GULP1: variants seen among roughly 807,000 people sequenced by gnomAD.
The protein encoded by GULP1 is GULP PTB domain containing engulfment adaptor 1, also known as PTB domain-containing engulfment adapter protein 1.
Under a neutral mutation model 40.9 loss-of-function variants are expected in GULP1, and 19 were observed. The ratio of observed to expected loss-of-function variants is 0.46; its 90% CI spans 0.32 to 0.68. The LOEUF is 0.68. GULP1 is among the 30% of genes least tolerant of loss of function. The pLI, the probability that GULP1 is intolerant of heterozygous loss-of-function variation, is 0.03. For missense variants in GULP1, 312 were observed against 362.2 expected, an observed-to-expected ratio of 0.86 and a Z score of 1.12; for synonymous variants, 119 against 117.6, an observed-to-expected ratio of 1.01 and a Z score of -0.08.
chr2:188,510,634 A>G (rs2064415625), intron 4 of GULP1, among the ~76,000 whole-genome samples: 1 of 152,050 alleles, frequency 6.6e-6, no homozygotes, highest in Non-Finnish European at 1.5e-5. Context: ...CAGAATAAAC[A>G]CTTACTTAAA....
intron 1 of GULP1, among the ~76,000 whole-genome samples, chr2:188,346,964 C>T (rs1299580345): frequency 2.1e-5 from 3 of 144,282 alleles, no homozygotes; most frequent in East Asian, 2.1e-4. Context: ...AGAAAGACTC[C>T]GTCTCAAAAA....
intron 2 of GULP1, among the ~76,000 whole-genome samples, chr2:188,438,105 A>G (rs77276224): frequency 0.022 from 3,350 of 152,188 alleles, 129 homozygotes; most frequent in African/African-American, 0.077. Context: ...ATAAATACAT[A>G]AAAAATACAA....
At chr2:188,359,835 C>CT (rs1300505028) in intron 1 of GULP1, among the ~76,000 whole-genome samples, 1 of 152,020 alleles carries the variant, frequency 6.6e-6, no homozygotes. Context: ...AAACTGAACT[C>CT]AAGATGAGAT....
intron 1 of GULP1, among the ~76,000 whole-genome samples, chr2:188,338,646 A>C (rs760977750): frequency 6.6e-6 from 1 of 152,142 alleles, no homozygotes; most frequent in African/African-American, 2.4e-5. Flanking sequence ...TAATACTTTC[A>C]ATAAAATATG....
At chr2:188,559,395 G>A (rs1362822560) in intron 7 of GULP1, among the ~76,000 whole-genome samples, 1 of 152,202 alleles carries the variant, frequency 6.6e-6, no homozygotes, top group Non-Finnish European at 1.5e-5. Context: ...TTCAGAAGAT[G>A]TATGGAAACT....
At chr2:188,522,631 CTATT>C (rs1393560997) in intron 4 of GULP1, 121 bp from the exon 5 acceptor site, 5 of 328,630 alleles carry the variant, frequency 1.5e-5, no homozygotes, top group South Asian at 8.7e-5. Context: ...AATAATAATT[CTATT>C]TAATTAACAT....
At chr2:188,412,196 G>A (rs1188326627) in intron 2 of GULP1, among the ~76,000 whole-genome samples, 19 of 152,072 alleles carry the variant, frequency 1.2e-4, no homozygotes, top group Admixed American at 1.2e-3. Flanking sequence ...CAGTAGGAAG[G>A]GGAAGTGCCC....
At chr2:188,338,215 G>C (rs2042520650) in intron 1 of GULP1, among the ~76,000 whole-genome samples, 2 of 151,506 alleles carry the variant, frequency 1.3e-5, no homozygotes, top group African/African-American at 2.4e-5. Context: ...CCCCTCATTG[G>C]TACAACTGAA....
intron 2 of GULP1, among the ~76,000 whole-genome samples, chr2:188,421,607 C>G (rs1341464020): frequency 1.3e-5 from 2 of 152,120 alleles, no homozygotes; most frequent in Non-Finnish European, 2.9e-5. Context: ...AAACCACACA[C>G]AAAGGATAGC....
intron 2 of GULP1, among the ~76,000 whole-genome samples, chr2:188,453,534 A>G (rs2059008590): frequency 6.6e-6 from 1 of 152,192 alleles, no homozygotes; most frequent in Non-Finnish European, 1.5e-5. Context: ...AGAGTTAAGC[A>G]ACAGCATAAA....
At chr2:188,515,046 A>G (rs917483349) in intron 4 of GULP1, among the ~76,000 whole-genome samples, 1 of 152,138 alleles carries the variant, frequency 6.6e-6, no homozygotes, top group Admixed American at 6.5e-5. Context: ...ATTAGTATTC[A>G]TTTCTCTGAG....
At chr2:188,515,143 G>C in intron 4 of GULP1, among the ~76,000 whole-genome samples, 1 of 150,994 alleles carries the variant, frequency 6.6e-6, no homozygotes, top group East Asian at 1.9e-4. Flanking sequence ...TTTTTTTTCA[G>C]ATTGGCTGTA....
intron 2 of GULP1, among the ~76,000 whole-genome samples, chr2:188,422,064 A>G (rs2055503149): frequency 6.7e-6 from 1 of 148,684 alleles, no homozygotes; most frequent in Non-Finnish European, 1.5e-5. Context: ...ATAATCATTG[A>G]CTAACTGCTG....
intron 2 of GULP1, among the ~76,000 whole-genome samples, chr2:188,432,863 C>G (rs1237634580): frequency 6.6e-6 from 1 of 152,024 alleles, no homozygotes; most frequent in African/African-American, 2.4e-5. Flanking sequence ...AAATACATGT[C>G]CCTACACATA....
chr2:188,593,487 GT>G (rs1703993912), intron 11 of GULP1: 2 of 152,136 alleles, frequency 1.3e-5, no homozygotes, highest in Non-Finnish European at 2.9e-5. Context: ...TTTAAAAGAA[GT>G]ATTTTACCCG....
intron 9 of GULP1, among the ~76,000 whole-genome samples, chr2:188,581,031 T>C (rs1251969543): frequency 1.3e-5 from 2 of 152,096 alleles, no homozygotes; most frequent in African/African-American, 4.8e-5. Flanking sequence ...CTCATCACAT[T>C]GTATTTGGTG....
At chr2:188,490,824 G>A (rs958853190) in intron 4 of GULP1, among the ~76,000 whole-genome samples, 4 of 151,926 alleles carry the variant, frequency 2.6e-5, no homozygotes, top group Non-Finnish European at 2.9e-5. Flanking sequence ...TTATTTTTCA[G>A]AGAGGGTCTT....
chr2:188,299,384 T>C (rs2035705843), intron 1 of GULP1, among the ~76,000 whole-genome samples: 1 of 152,200 alleles, frequency 6.6e-6, no homozygotes, highest in African/African-American at 2.4e-5. Flanking sequence ...ACTAACATAT[T>C]GGTTCTTTGA....
intron 1 of GULP1, among the ~76,000 whole-genome samples, chr2:188,352,121 T>C (rs1041996165): frequency 3.3e-5 from 5 of 152,194 alleles, no homozygotes; most frequent in African/African-American, 1.2e-4. Flanking sequence ...GCTAATTTTA[T>C]GTGTCAGCTT....
Sources: gnomAD v4.1 joint callset for allele counts (sites outside exome capture counted in the v4.1 genomes callset) on GRCh38, gnomAD v4.1.1 for gene constraint, MANE v1.5 for transcripts, NCBI Gene and HGNC (gene_info 2026-07-23, HGNC 2026-07-21) for gene names.